PCDHGC3: variants seen among roughly 807,000 people sequenced by gnomAD.
The protein encoded by PCDHGC3 is protocadherin gamma subfamily C, 3.
A neutral mutation model predicts 59.2 loss-of-function variants in PCDHGC3; 26 were observed. That is an observed-to-expected ratio of 0.44 (90% CI 0.32 to 0.61). The LOEUF is 0.61. Among genes scored for constraint, PCDHGC3 ranks in the 20% least tolerant of loss-of-function variants. PCDHGC3 has a pLI of 0.05. For missense variants in PCDHGC3, 1,080 were observed against 1,221.8 expected, an observed-to-expected ratio of 0.88 and a Z score of 1.73; for synonymous variants, 487 against 519.7, an observed-to-expected ratio of 0.94 and a Z score of 0.86.
rs1562144438 is a variant in PCDHGC3, at chr5:141,491,135, G to T, written c.2431-3672G>T. The T allele has an allele frequency of 6.2e-7, 1 of 1,613,986 alleles. No individual in the cohort carries two copies. Among genetic ancestry groups the T allele is most frequent in the Non-Finnish European group, 8.5e-7 (1 of 1,180,000 alleles). On this transcript the variant is annotated intron_variant, in intron 1 of 3. Transcript: ENST00000308177. This position sits in a 1 kb window ranked among gnomAD's most constrained non-coding sequence, Gnocchi z 6.9. ...CACACTGGTGAGGTGCGCACAGCCC[G>T]GGCCTTACTGGAGGATGACTCTGAC...
chr5:141,485,192 A>T lies in PCDHGC3; in HGVS notation c.2430+6646A>T. 1.2e-6 allele frequency: 2 copies of T among 1,613,942 alleles called. No individual in the cohort carries two copies. Among genetic ancestry groups the T allele is most frequent in the African/African-American group, 2.7e-5 (2 of 75,048 alleles). On this transcript the variant is annotated intron_variant, in intron 1 of 3. Transcript: ENST00000308177. The surrounding 1 kb of genome is among the most constrained non-coding windows in gnomAD (Gnocchi z 5.7). ...GGCAGCAATGCTCCGCAAGGTGAGA[A>T]GCTGGACAGAAATCTGGCGGTGGGC... is the stretch of plus-strand genomic sequence containing the variant.
At position 141,487,501 on chromosome 5, in the gene PCDHGC3, T is replaced by C. The variant is rs746285663; in HGVS notation, c.2431-7306T>C. 1.2e-6 allele frequency: 2 copies of C among 1,614,232 alleles called. No individual in the cohort carries two copies. The highest frequency in any genetic ancestry group is 3.3e-5 in the Admixed American group (2 of 60,028). ...ACTCTCATGGCTGTACACCCTTGGC[T>C]TCTGCACCCACTCGGAGTGATAGCT... On this transcript the variant is annotated intron_variant, in intron 1 of 3. Coordinates refer to ENST00000308177, the MANE Select transcript of PCDHGC3 (RefSeq NM_002588.4). The surrounding 1 kb of genome is among the most constrained non-coding windows in gnomAD (Gnocchi z 5.0).
At position 141,485,035 on chromosome 5, in the gene PCDHGC3, AC is replaced by A; in HGVS notation, c.2430+6492del. ...CCGCCACCAGCAAAAACGGCGCGTA[AC>A]CCTTGCGGCGCCGGCCGAACCGCGC... On this transcript the variant is annotated intron_variant, in intron 1 of 3. Coordinates refer to ENST00000308177, the MANE Select transcript of PCDHGC3 (RefSeq NM_002588.4). The surrounding 1 kb of genome is among the most constrained non-coding windows in gnomAD (Gnocchi z 5.7). 1.4e-6 allele frequency: 1 copy of A among 694,388 alleles called. No homozygotes were observed. Among genetic ancestry groups the A allele is most frequent in the East Asian group, 2.6e-5 (1 of 38,852 alleles). The allele number at this position is 694,388 out of a possible 1,614,324, so 43.0% of individuals were successfully genotyped here.
intron 3 of PCDHGC3, 61 bp downstream of exon 3, chr5:141,505,542 A>C: frequency 2.6e-5 from 42 of 1,604,950 alleles, no homozygotes; most frequent in Non-Finnish European, 3.2e-5. Flanking sequence ...GGTGCATCTC[A>C]CAGCCACCAT....
intron 3 of PCDHGC3, among the ~76,000 whole-genome samples, chr5:141,510,272 TAAAAAA>T (rs546154379): frequency 7.7e-6 from 1 of 130,390 alleles, no homozygotes; most frequent in Non-Finnish European, 1.6e-5. Context: ...GACTCCATCT[TAAAAAA>T]AAAAAAAAAA....
At position 141,511,112 on chromosome 5, in the gene PCDHGC3, G is replaced by A. The variant is rs767257788; in HGVS notation, c.2744G>A (p.Gly915Asp). The change falls in exon 4 of 4, where the codon GGC (glycine) becomes GAC (aspartate). Residue 915 changes from glycine (G) to aspartate (D), a missense_variant. Transcript: ENST00000308177. ...ACCAACGCAGCTGGCAAGCGGGATGGCAAGGCCCCAGCAGGTGGCAATGGC... is the reference window on the plus strand; with the variant it reads ...ACCAACGCAGCTGGCAAGCGGGATGACAAGGCCCCAGCAGGTGGCAATGGC... The part of the protein sequence containing the change: ...TLTNAAGKRD[G>D]KAPAGGNGNK... 1 of 1,614,232 alleles carries A rather than the reference G, an allele frequency of 6.2e-7. No individual in the cohort carries two copies.
At chr5:141,479,003 C>A (rs2099485569) in intron 1 of PCDHGC3, among the ~76,000 whole-genome samples, 1 of 152,176 alleles carries the variant, frequency 6.6e-6, no homozygotes, top group African/African-American at 2.4e-5. Flanking sequence ...AAACTAATAG[C>A]TTTTTGATAA....
chr5:141,500,062 TAA>T (rs1314388217), intron 2 of PCDHGC3, among the ~76,000 whole-genome samples: 1 of 152,144 alleles, frequency 6.6e-6, no homozygotes, highest in East Asian at 1.9e-4. Flanking sequence ...TCTTTTAATG[TAA>T]AAGACTTCCC....
chr5:141,481,897 G>A (rs916673176), intron 1 of PCDHGC3, among the ~76,000 whole-genome samples: 3 of 128,712 alleles, frequency 2.3e-5, no homozygotes, highest in South Asian at 5.0e-4. Context: ...CTGGGTGAAA[G>A]AGCGAAACTC....
intron 2 of PCDHGC3, among the ~76,000 whole-genome samples, chr5:141,496,392 C>T (rs6879760): frequency 0.064 from 9,762 of 152,240 alleles, 510 homozygotes; most frequent in African/African-American, 0.15. Context: ...CCTTACCCTA[C>T]CTCCTCAATG....
intron 2 of PCDHGC3, among the ~76,000 whole-genome samples, chr5:141,499,689 CTTTTT>C (rs545067566): frequency 3.3e-5 from 4 of 119,852 alleles, no homozygotes; most frequent in Non-Finnish European, 3.5e-5. Flanking sequence ...TAACAGATGA[CTTTTT>C]TTTTTTTTTT....
Position 141,511,002 on chromosome 5 carries a change from C to A in PCDHGC3, c.2634C>A (p.Ser878Arg), listed in dbSNP as rs143630962. The change falls in exon 4 of 4, where the codon AGC becomes AGA. Residue 878 changes from serine to arginine, a missense_variant. Physicochemically the swap from Ser to Arg is moderately radical, Grantham distance 110. Transcript: ENST00000308177. Reference protein sequence around the residue: ...LGGGAGTMGLSARYGPQFTLQ... With the variant: ...LGGGAGTMGLRARYGPQFTLQ... ...GGGGTGCCGGCACCATGGGATTGAG[C>A]GCCCGCTACGGACCCCAGTTCACCC... The A allele has an allele frequency of 8.7e-6, 14 of 1,614,140 alleles. No homozygotes were observed. The highest frequency in any genetic ancestry group is 1.2e-5 in the Non-Finnish European group (14 of 1,180,018).
Position 141,476,443 on chromosome 5 carries a change from G to A in PCDHGC3, c.327G>A (p.Glu109=), listed in dbSNP as rs752285213. 1 of 1,614,044 alleles carries A rather than the reference G, an allele frequency of 6.2e-7. No individual in the cohort carries two copies. The highest frequency in any genetic ancestry group is 8.5e-7 in the Non-Finnish European group (1 of 1,180,038). ...TGCCCTCTTGCACTGTAACTCTGGAGTTGGTAGTGGAGAACCCGCTGGAGC... is the reference window on the plus strand; with the variant it reads ...TGCCCTCTTGCACTGTAACTCTGGAATTGGTAGTGGAGAACCCGCTGGAGC... The part of the protein sequence containing the change: ...GTLPSCTVTL[E]LVVENPLELF... Residue 109 remains glutamate, a synonymous_variant, in exon 1 of 4, where the codon GAG becomes GAA. Transcript: ENST00000308177. This position sits in a 1 kb window ranked among gnomAD's most constrained non-coding sequence, Gnocchi z 7.6.
chr5:141,485,500 C>T lies in PCDHGC3; in HGVS notation c.2430+6954C>T. 1 of 1,614,142 alleles carries T rather than the reference C, an allele frequency of 6.2e-7. No homozygotes were observed. The highest frequency in any genetic ancestry group is 8.5e-7 in the Non-Finnish European group (1 of 1,180,038). ...GCTGCATCGTGCCCCTGGAGTTTGT[C>T]ACCGAAGGTCCTTTGGAAATGTACC... On this transcript the variant is annotated intron_variant, in intron 1 of 3. Coordinates refer to ENST00000308177, the MANE Select transcript of PCDHGC3 (RefSeq NM_002588.4). The surrounding 1 kb of genome is among the most constrained non-coding windows in gnomAD (Gnocchi z 5.7).
At chr5:141,492,189 G>C (rs2099737936) in intron 1 of PCDHGC3, among the ~76,000 whole-genome samples, 1 of 152,204 alleles carries the variant, frequency 6.6e-6, no homozygotes, top group Non-Finnish European at 1.5e-5. Context: ...GCACCTGTCT[G>C]CGGGACTTAG....
chr5:141,496,277 T>C (rs1484877198), intron 2 of PCDHGC3, among the ~76,000 whole-genome samples: 1 of 152,134 alleles, frequency 6.6e-6, no homozygotes, highest in Non-Finnish European at 1.5e-5. Context: ...AGACCTTCAG[T>C]TGGTCTGAGC....
intron 1 of PCDHGC3, among the ~76,000 whole-genome samples, chr5:141,480,693 G>C (rs1488899685): frequency 2.6e-5 from 4 of 152,096 alleles, no homozygotes; most frequent in Non-Finnish European, 5.9e-5. Context: ...CTGAAACCCA[G>C]GCCACACCCC....
Position 141,489,842 on chromosome 5 carries a change from A to T in PCDHGC3, c.2431-4965A>T. ...GAGCTGGTGCTAGAGCAGCAGCTGGATCGTGAAGCCCAGGCAAGACATCAG... is the reference window on the plus strand; with the variant it reads ...GAGCTGGTGCTAGAGCAGCAGCTGGTTCGTGAAGCCCAGGCAAGACATCAG... On this transcript the variant is annotated intron_variant, in intron 1 of 3. Coordinates refer to ENST00000308177, the MANE Select transcript of PCDHGC3 (RefSeq NM_002588.4). The surrounding 1 kb of genome is among the most constrained non-coding windows in gnomAD (Gnocchi z 4.5). 6.2e-7 allele frequency: 1 copy of T among 1,614,186 alleles called. No homozygotes were observed. Among genetic ancestry groups the T allele is most frequent in the South Asian group, 1.1e-5 (1 of 91,086 alleles).
chr5:141,492,740 C>T (rs1364102818), intron 1 of PCDHGC3, among the ~76,000 whole-genome samples: 1 of 152,238 alleles, frequency 6.6e-6, no homozygotes, highest in African/African-American at 2.4e-5. Context: ...GCCCAGTGGC[C>T]GAGGCGCGGC....
Sources: allele counts gnomAD v4.1 joint callset (sites outside exome capture counted in the v4.1 genomes callset), GRCh38; gene constraint gnomAD v4.1.1; non-coding constraint Gnocchi (gnomAD v3.1); transcripts MANE v1.5; gene names NCBI Gene and HGNC (gene_info 2026-07-23, HGNC 2026-07-21).